ATXN7: variants seen among roughly 807,000 people sequenced by gnomAD.
ATXN7 encodes the protein ataxin-7.
In ATXN7, 12 loss-of-function variants were observed where a neutral mutation model predicts 70.5. The ratio of observed to expected loss-of-function variants is 0.17; its 90% CI spans 0.11 to 0.28. The LOEUF (loss-of-function observed/expected upper bound fraction) is 0.28. ATXN7 is among the 10% of genes least tolerant of loss of function. The pLI is 1.00. For missense variants in ATXN7, 1,256 were observed against 1,131.7 expected (o/e 1.11, Z -1.58); for synonymous variants, 498 against 448.7 (o/e 1.11, Z -1.39).
chr3:63,932,046 T>C (rs190555972), intron 4 of ATXN7, among the ~76,000 whole-genome samples: 2 of 152,310 alleles, frequency 1.3e-5, no homozygotes, highest in Admixed American at 1.3e-4. Context: ...TTCCAACAGA[T>C]TTTCAAAAGC....
intron 4 of ATXN7, among the ~76,000 whole-genome samples, chr3:63,940,794 A>C (rs2074747791): frequency 6.6e-6 from 1 of 152,208 alleles, no homozygotes; most frequent in African/African-American, 2.4e-5. Context: ...AGACTCTTAG[A>C]GCCCGTATCC....
chr3:63,916,945 G>A (rs1285051901), intron 4 of ATXN7, among the ~76,000 whole-genome samples: 2 of 152,000 alleles, frequency 1.3e-5, no homozygotes, highest in Admixed American at 6.6e-5. Flanking sequence ...ATGGAGTCTC[G>A]CTGTGTCGCC....
At chr3:63,966,003 C>T (rs2075215863) in intron 5 of ATXN7, among the ~76,000 whole-genome samples, 1 of 152,148 alleles carries the variant, frequency 6.6e-6, no homozygotes, top group Non-Finnish European at 1.5e-5. Context: ...CATTTAAGAA[C>T]ATTTGCTAAA....
intron 11 of ATXN7, 196 bp downstream of exon 11, chr3:63,991,055 G>A (rs1302362197): frequency 2.8e-6 from 2 of 726,158 alleles, no homozygotes; most frequent in African/African-American, 1.8e-5. Context: ...GTGGGTGCTG[G>A]CATTCAAAGC....
intron 2 of ATXN7, 102 bp from the exon 3 acceptor site, chr3:63,912,486 C>T (rs1025189354): frequency 2.6e-6 from 2 of 762,430 alleles, no homozygotes; most frequent in African/African-American, 3.8e-5. Context: ...TCAGCGTGCC[C>T]CACCCGGTCC....
Position 63,865,639 on chromosome 3 carries a change from C to G in ATXN7, c.-111+1481C>G, listed in dbSNP as rs150693802. Among the ~76,000 whole-genome samples the G allele has an allele frequency of 5.4e-3, 824 of 152,100 alleles. 10 individuals carry two copies. Among genetic ancestry groups the G allele is most frequent in the African/African-American group, 0.018 (760 of 41,496 alleles). On this transcript the variant is annotated intron_variant, in intron 1 of 12. Transcript: ENST00000674280. The stretch of plus-strand genomic sequence containing the variant: ...GGGCGCGGTGGCTCACGCCTGTAAT[C>G]CCAGCACTTTGGGAGGCCGAGGCGG...
At chr3:63,945,375 C>A (rs2074842814) in intron 4 of ATXN7, among the ~76,000 whole-genome samples, 1 of 152,304 alleles carries the variant, frequency 6.6e-6, no homozygotes, top group South Asian at 2.1e-4. Flanking sequence ...TGTCAACATG[C>A]AGATTTGAGA....
intron 5 of ATXN7, among the ~76,000 whole-genome samples, chr3:63,972,240 C>T (rs532782111): frequency 1.3e-5 from 2 of 152,338 alleles, no homozygotes; most frequent in Non-Finnish European, 2.9e-5. Flanking sequence ...TTGTTACTTA[C>T]TGTGACTGGC....
intron 5 of ATXN7, among the ~76,000 whole-genome samples, chr3:63,962,359 T>G (rs188287523): frequency 6.6e-6 from 1 of 152,024 alleles, no homozygotes; most frequent in African/African-American, 2.4e-5. Flanking sequence ...GAAATTTGTT[T>G]CGTTGCCTCT....
chr3:63,937,739 G>GT (rs1185658201), intron 4 of ATXN7, among the ~76,000 whole-genome samples: 1 of 152,154 alleles, frequency 6.6e-6, no homozygotes, highest in Non-Finnish European at 1.5e-5. Flanking sequence ...TTGCATGCTG[G>GT]TTAGGGACTG....
intron 1 of ATXN7, among the ~76,000 whole-genome samples, chr3:63,874,860 C>T (rs981558424): frequency 4.6e-5 from 7 of 152,180 alleles, no homozygotes; most frequent in African/African-American, 1.7e-4. Context: ...AGTTTGTAAA[C>T]AACATACCTT....
chr3:63,863,766 C>A, upstream of ATXN7: 1 of 1,252,292 alleles, frequency 8.0e-7, no homozygotes, highest in Non-Finnish European at 9.9e-7. Context: ...GCGAGCGGGG[C>A]CTCACCGTCA....
Position 63,979,961 on chromosome 3 carries a change from C to G in ATXN7, c.546C>G (p.Pro182=), listed in dbSNP as rs1358572342. The change falls in exon 6 of 13, where the codon CCC becomes CCG. Residue 182 remains proline, a synonymous_variant. Coordinates refer to ENST00000674280, the MANE Select transcript of ATXN7 (RefSeq NM_001377405.1). ...GCAAGCCGCCTTTGGCCGTTCCTCC[C>G]ACTTCAGTATTTTCCTTCTTCCCTT... ...SSSKPPLAVP[P]TSVFSFFPSL... 2 of 1,614,204 alleles carry G rather than the reference C, an allele frequency of 1.2e-6. No individual in the cohort carries two copies. Among genetic ancestry groups the G allele is most frequent in the Admixed American group, 1.7e-5 (1 of 60,024 alleles).
chr3:63,953,738 C>T (rs1293534330), intron 5 of ATXN7, among the ~76,000 whole-genome samples: 3 of 151,584 alleles, frequency 2.0e-5, no homozygotes, highest in Non-Finnish European at 4.4e-5. Context: ...GCAACCTCCG[C>T]CTCCCAGATT....
intron 4 of ATXN7, among the ~76,000 whole-genome samples, chr3:63,935,770 T>A (rs2074651492): frequency 6.6e-6 from 1 of 152,052 alleles, no homozygotes; most frequent in South Asian, 2.1e-4. Context: ...TTTTTTTCAA[T>A]AGTCACTGTT....
rs1027206647 is a variant in ATXN7 at position 63,995,511 on chromosome 3, C to T, written c.1689C>T (p.Ile563=). ...GTCCTCTAATTTTTTTCAGGAAAATCCCACCAGTGCCCAGTACCACCTCAC... is the reference window on the plus strand; with the variant it reads ...GTCCTCTAATTTTTTTCAGGAAAATTCCACCAGTGCCCAGTACCACCTCAC... ...KHLNAQLWKK[I]PPVPSTTSPI... Residue 563 remains isoleucine (I), a synonymous_variant, in exon 12 of 13, where the codon ATC becomes ATT. Coordinates refer to ENST00000674280, the MANE Select transcript of ATXN7 (RefSeq NM_001377405.1). 1 of 1,613,572 alleles carries T rather than the reference C, an allele frequency of 6.2e-7. No individual in the cohort carries two copies. The highest frequency in any genetic ancestry group is 8.5e-7 in the Non-Finnish European group (1 of 1,179,734).
intron 2 of ATXN7, chr3:63,902,121 GT>G (rs1703665492): frequency 6.6e-6 from 1 of 152,166 alleles, no homozygotes; most frequent in South Asian, 2.1e-4. Flanking sequence ...ACTTAAAATG[GT>G]TAAAGGCCAG....
chr3:63,908,868 G>T (rs928792359), intron 2 of ATXN7, among the ~76,000 whole-genome samples: 3 of 152,190 alleles, frequency 2.0e-5, no homozygotes, highest in African/African-American at 7.2e-5. Context: ...TGGGTGACGA[G>T]ATAAGACCAC....
In ATXN7 at chr3:63,864,027, C is replaced by G. The variant is rs1191131732; in HGVS notation, c.-242C>G. 3 of 146,362 alleles carry G rather than the reference C, an allele frequency of 2.0e-5. No homozygotes were observed. Among genetic ancestry groups the G allele is most frequent in the Non-Finnish European group, 4.5e-5 (3 of 66,582 alleles). The allele number at this position is 146,362 out of a possible 1,614,324, so 9.1% of individuals were successfully genotyped here. A position where few individuals can be genotyped will look rare whatever the true frequency, so the allele number is the denominator to read the frequency against. On this transcript the variant is annotated 5_prime_UTR_variant, in exon 1 of 13. Coordinates refer to ENST00000674280, the MANE Select transcript of ATXN7 (RefSeq NM_001377405.1). ...CGGTACTCCCCGGGGGCGGCCGCGG[C>G]CGGCGCGAGTTGGGGCGAGGCTTGG...
Sources: allele counts gnomAD v4.1 joint callset (sites outside exome capture counted in the v4.1 genomes callset), GRCh38; gene constraint gnomAD v4.1.1; transcripts MANE v1.5; gene names NCBI Gene and HGNC (gene_info 2026-07-23, HGNC 2026-07-21).